Variants in AUTS2 observed in about 807,000 individuals in gnomAD.
AUTS2 encodes the protein autism susceptibility gene 2 protein.
A neutral mutation model predicts 112.4 loss-of-function variants in AUTS2; 17 were observed. That is an observed-to-expected ratio of 0.15 (90% CI 0.10 to 0.23). The LOEUF (loss-of-function observed/expected upper bound fraction) is 0.23, where lower values mean the gene tolerates loss of function less well. Among genes scored for constraint, AUTS2 ranks in the 10% least tolerant of loss-of-function variants. AUTS2 has a pLI of 1.00. For synonymous variants in AUTS2, 751 were observed against 702.7 expected, an observed-to-expected ratio of 1.07 and a Z score of -1.09; for missense variants, 1,510 against 1,701.6, an observed-to-expected ratio of 0.89 and a Z score of 1.98.
intron 2 of AUTS2, among the ~76,000 whole-genome samples, chr7:70,106,444 G>A (rs901225229): frequency 3.3e-5 from 5 of 152,178 alleles, no homozygotes; most frequent in African/African-American, 1.2e-4. Context: ...ATCAGGCCAG[G>A]TGTGGTGGTG....
At chr7:69,916,661 A>G (rs1795590994) in intron 2 of AUTS2, among the ~76,000 whole-genome samples, 1 of 152,164 alleles carries the variant, frequency 6.6e-6, no homozygotes, top group African/African-American at 2.4e-5. Flanking sequence ...AAATCTGTTC[A>G]TACTAGAAAC....
At chr7:70,016,775 C>G (rs1163169000) in intron 2 of AUTS2, among the ~76,000 whole-genome samples, 1 of 151,688 alleles carries the variant, frequency 6.6e-6, no homozygotes, top group Admixed American at 6.6e-5. Context: ...TCAAGCAGTT[C>G]TCCTGTCTCA....
At chr7:70,159,108 G>A (rs1807942779) in intron 4 of AUTS2, among the ~76,000 whole-genome samples, 2 of 152,170 alleles carry the variant, frequency 1.3e-5, no homozygotes, top group African/African-American at 2.4e-5. Flanking sequence ...GAACATTGAT[G>A]ATTCCGCAGC....
chr7:70,606,863 G>GA (rs35779844), intron 5 of AUTS2, among the ~76,000 whole-genome samples: 12,124 of 89,408 alleles, frequency 0.14, 780 homozygotes, highest in East Asian at 0.44. Flanking sequence ...TCTGTCTCAA[G>GA]AAAAAAAAAA....
intron 5 of AUTS2, among the ~76,000 whole-genome samples, chr7:70,530,346 G>GTCACACTA (rs1444522393): frequency 2.6e-5 from 4 of 152,166 alleles, no homozygotes; most frequent in African/African-American, 9.7e-5. Context: ...GTGACAGATA[G>GTCACACTA]TCTGTGGGTG....
chr7:69,927,182 A>G (rs1379933003), intron 2 of AUTS2, among the ~76,000 whole-genome samples: 2 of 134,722 alleles, frequency 1.5e-5, no homozygotes, highest in Non-Finnish European at 3.2e-5. Context: ...ATACTCCAAT[A>G]TATTTATATA....
intron 5 of AUTS2, among the ~76,000 whole-genome samples, chr7:70,677,324 C>A (rs989989104): frequency 9.8e-5 from 15 of 152,310 alleles, no homozygotes; most frequent in African/African-American, 3.4e-4. Context: ...ATGTTCCACT[C>A]CCAAATTTCT....
intron 5 of AUTS2, chr7:70,596,862 C>G (rs1803238349): frequency 6.6e-6 from 1 of 150,718 alleles, no homozygotes. Flanking sequence ...GCAGAATTTT[C>G]TTTAAGCACA....
At chr7:69,801,625 TAAAAC>T (rs1036987452) in intron 1 of AUTS2, among the ~76,000 whole-genome samples, 16 of 152,156 alleles carry the variant, frequency 1.1e-4, no homozygotes, top group Non-Finnish European at 1.3e-4. Flanking sequence ...TGTACTATCT[TAAAAC>T]AAAACTTCCC....
intron 4 of AUTS2, among the ~76,000 whole-genome samples, chr7:70,268,849 C>A (rs1336398388): frequency 6.6e-6 from 1 of 151,866 alleles, no homozygotes; most frequent in Non-Finnish European, 1.5e-5. Flanking sequence ...CTTTCATTTA[C>A]CTTAGGGCTC....
chr7:69,836,627 G>C (rs740946), intron 1 of AUTS2, among the ~76,000 whole-genome samples: 15,530 of 151,976 alleles, frequency 0.1, 1,297 homozygotes, highest in African/African-American at 0.23. Context: ...CAGTTTATAC[G>C]CATTGAGGAG....
intron 5 of AUTS2, among the ~76,000 whole-genome samples, chr7:70,645,020 A>G (rs1267040912): frequency 6.6e-6 from 1 of 152,154 alleles, no homozygotes; most frequent in African/African-American, 2.4e-5. Flanking sequence ...TATTGGAATG[A>G]TCTCTGGGTT....
intron 5 of AUTS2, chr7:70,437,700 C>G (rs958912089): frequency 6.6e-6 from 1 of 152,008 alleles, no homozygotes; most frequent in African/African-American, 2.4e-5. Context: ...ATTAGCTGGG[C>G]ATTGTGGCGG....
rs193071536 is a variant in AUTS2 at position 69,921,224 on chromosome 7, A to T, written c.522+21726A>T. Among the ~76,000 whole-genome samples, 15 of 152,056 alleles carry T rather than the reference A, an allele frequency of 9.9e-5. No individual in the cohort carries two copies. The East Asian group carries it at 2.9e-3, about 29-fold the overall frequency. On this transcript the variant is annotated intron_variant, in intron 2 of 18. Transcript: ENST00000342771. Reference sequence around the variant, plus strand: ...ATTGACTAAGGAAGTTGTGTGAATTATAAAAATTTCTTCCTGAAATGAAGG... The same window carrying T: ...ATTGACTAAGGAAGTTGTGTGAATTTTAAAAATTTCTTCCTGAAATGAAGG...
chr7:69,679,793 C>T (rs1040469047), intron 1 of AUTS2, among the ~76,000 whole-genome samples: 2 of 152,134 alleles, frequency 1.3e-5, no homozygotes, highest in African/African-American at 4.8e-5. Context: ...TTACATACAT[C>T]ATCTATGGAA....
chr7:70,390,573 A>T (rs1269114522), intron 4 of AUTS2, among the ~76,000 whole-genome samples: 1 of 152,062 alleles, frequency 6.6e-6, no homozygotes, highest in Non-Finnish European at 1.5e-5. Flanking sequence ...TCAGGGCTCT[A>T]GAGGGACTTG....
chr7:70,536,872 C>T (rs1227938779), intron 5 of AUTS2, among the ~76,000 whole-genome samples: 1 of 151,904 alleles, frequency 6.6e-6, no homozygotes, highest in Admixed American at 6.6e-5. Context: ...TGCACTCCAG[C>T]CTGGGCAACA....
At chr7:69,600,331 T>A (rs1322516705) in intron 1 of AUTS2, among the ~76,000 whole-genome samples, 1 of 151,982 alleles carries the variant, frequency 6.6e-6, no homozygotes, top group Non-Finnish European at 1.5e-5. Flanking sequence ...TCATGGCTTC[T>A]TGGCTGGTGG....
At chr7:70,079,341 TA>T (rs917037190) in intron 2 of AUTS2, among the ~76,000 whole-genome samples, 3 of 151,688 alleles carry the variant, frequency 2.0e-5, no homozygotes, top group Admixed American at 6.6e-5. Context: ...TAAGTTATAT[TA>T]AAAAAAATAA....
Sources: gnomAD v4.1 joint callset for allele counts (sites outside exome capture counted in the v4.1 genomes callset) on GRCh38, gnomAD v4.1.1 for gene constraint, MANE v1.5 for transcripts, NCBI Gene and HGNC (gene_info 2026-07-23, HGNC 2026-07-21) for gene names.